The following KLHL20 variants were observed in gnomAD, a reference collection of about 807,000 sequenced individuals.
KLHL20 encodes the protein kelch-like protein 20.
KLHL20 carries 29 observed loss-of-function variants against 69.5 expected under a neutral mutation model. That is an observed-to-expected ratio of 0.42 (90% CI 0.31 to 0.57). KLHL20 has a LOEUF of 0.57. Ranked by LOEUF, KLHL20 falls within the 20% of genes least tolerant of loss-of-function variation. The probability of loss-of-function intolerance (pLI) is 0.18; values close to 1 mark genes in which losing one functional copy is unlikely to be tolerated. For synonymous variants in KLHL20, 253 were observed against 265.2 expected (o/e 0.95, Z 0.45); for missense variants, 419 against 776.0 (o/e 0.54, Z 5.47).
At chr1:173,743,808 T>C (rs1017460245) in intron 3 of KLHL20, among the ~76,000 whole-genome samples, 2 of 152,128 alleles carry the variant, frequency 1.3e-5, no homozygotes, top group Admixed American at 1.3e-4. Context: ...TTTAATATTT[T>C]CTGGAATTCA....
chr1:173,753,953 G>T (rs1043246617), intron 5 of KLHL20, among the ~76,000 whole-genome samples: 1 of 152,162 alleles, frequency 6.6e-6, no homozygotes, highest in Non-Finnish European at 1.5e-5. Context: ...GTTCAAATCT[G>T]AAATCATCTG....
At chr1:173,740,884 C>A (rs1313413384) in intron 3 of KLHL20, among the ~76,000 whole-genome samples, 2 of 152,142 alleles carry the variant, frequency 1.3e-5, no homozygotes, top group Non-Finnish European at 2.9e-5. Flanking sequence ...ACCTGGAAAT[C>A]TCCTTCTTTC....
At chr1:173,746,399 T>C (rs1673060397) in intron 3 of KLHL20, among the ~76,000 whole-genome samples, 1 of 152,182 alleles carries the variant, frequency 6.6e-6, no homozygotes, top group African/African-American at 2.4e-5. Flanking sequence ...CATCTAGGCT[T>C]CGTGCTTTTT....
intron 3 of KLHL20, among the ~76,000 whole-genome samples, chr1:173,745,438 C>T (rs1489575458): frequency 6.6e-6 from 1 of 152,058 alleles, no homozygotes; most frequent in Non-Finnish European, 1.5e-5. Context: ...GCTAAGATTA[C>T]AGGTGTGAGC....
At chr1:173,737,600 A>G (rs1442094879) in intron 3 of KLHL20, among the ~76,000 whole-genome samples, 2 of 152,234 alleles carry the variant, frequency 1.3e-5, no homozygotes, top group Admixed American at 6.5e-5. Flanking sequence ...TTATGCCAGT[A>G]TCATGCTGTT....
intron 2 of KLHL20, among the ~76,000 whole-genome samples, chr1:173,722,079 A>G (rs571246544): frequency 5.3e-5 from 8 of 152,232 alleles, no homozygotes; most frequent in Non-Finnish European, 1.0e-4. Flanking sequence ...CAAGCTTTTC[A>G]AGAAGCACTT....
In KLHL20 at chr1:173,760,203, C is replaced by T. The variant is rs527619459; in HGVS notation, c.1151+3044C>T. 2.0e-5 allele frequency among the ~76,000 whole-genome samples: 3 copies of T among 152,194 alleles called. No homozygotes were observed. The South Asian group carries it at 6.2e-4, about 32-fold the overall frequency. ...AGAATAAGAAAATATGAACAAGCCT[C>T]CAAAAAGTCTGGGATTATGTTAAAC... is the stretch of plus-strand genomic sequence containing the variant. On this transcript the variant is annotated intron_variant, in intron 7 of 11. Transcript: ENST00000209884.
In KLHL20 at chr1:173,733,723, A is replaced by G; in HGVS notation, c.34A>G (p.Ile12Val). ...EGKPMRRCTN[I>V]RPGETGMDVT... ...CCATCATTCCTATAGGTGTACCAAC[A>G]TTCGACCAGGAGAGACTGGAATGGA... Residue 12 changes from isoleucine (I) to valine (V), a missense_variant, in exon 3 of 12, where the codon ATT becomes GTT. This residue lies in a region of KLHL20 where 129 missense variants were observed against 183.6 expected (regional missense o/e 0.70). Coordinates refer to ENST00000209884, the MANE Select transcript of KLHL20 (RefSeq NM_014458.4). 1.2e-6 allele frequency: 2 copies of G among 1,612,504 alleles called. No individual in the cohort carries two copies. Among genetic ancestry groups the G allele is most frequent in the Non-Finnish European group, 1.7e-6 (2 of 1,179,016 alleles).
chr1:173,769,917 G>A (rs949327731), intron 8 of KLHL20, among the ~76,000 whole-genome samples: 6 of 151,236 alleles, frequency 4.0e-5, no homozygotes, highest in African/African-American at 1.5e-4. Flanking sequence ...AAAAATTTAA[G>A]TAATAATCTC....
intron 10 of KLHL20, among the ~76,000 whole-genome samples, chr1:173,779,938 C>A (rs909264981): frequency 2.0e-5 from 3 of 152,020 alleles, no homozygotes; most frequent in Non-Finnish European, 4.4e-5. Context: ...GACTTCTGGG[C>A]GAAGTATAGA....
Position 173,786,633 on chromosome 1 carries a change from A to G in KLHL20, c.*1386A>G, listed in dbSNP as rs972742282. On this transcript the variant is annotated 3_prime_UTR_variant, in exon 12 of 12. Transcript: ENST00000209884. ...AAACAATTGTTTACATATATCATTT[A>G]TGCTTTTTTCTAGCATGTATAACTT... is the stretch of plus-strand genomic sequence containing the variant. 1.3e-5 allele frequency: 2 copies of G among 152,590 alleles called. No individual in the cohort carries two copies. Among genetic ancestry groups the G allele is most frequent in the African/African-American group, 2.4e-5 (1 of 41,468 alleles). 9.5% of individuals were successfully genotyped at this position (152,590 alleles called of 1,614,324 possible).
intron 8 of KLHL20, among the ~76,000 whole-genome samples, chr1:173,766,691 T>C (rs964977759): frequency 6.6e-6 from 1 of 151,318 alleles, no homozygotes; most frequent in African/African-American, 2.4e-5. Context: ...ATTTAGGACA[T>C]TGGAGGATCC....
Position 173,786,637 on chromosome 1 carries a change from T to C in KLHL20, c.*1390T>C, listed in dbSNP as rs1405497927. On this transcript the variant is annotated 3_prime_UTR_variant, in exon 12 of 12. Transcript: ENST00000209884. ...AATTGTTTACATATATCATTTATGC[T>C]TTTTTCTAGCATGTATAACTTTTTT... 1.3e-5 allele frequency: 2 copies of C among 152,598 alleles called. No individual in the cohort carries two copies. Among genetic ancestry groups the C allele is most frequent in the Non-Finnish European group, 2.9e-5 (2 of 68,012 alleles). The allele number at this position is 152,598 out of a possible 1,614,324, so 9.5% of individuals were successfully genotyped here. A position where few individuals can be genotyped will look rare whatever the true frequency, so the allele number is the denominator to read the frequency against.
At chr1:173,756,944 G>A in intron 6 of KLHL20, 32 bp from the exon 7 acceptor site, 2 of 1,600,926 alleles carry the variant, frequency 1.2e-6, no homozygotes, top group South Asian at 2.2e-5. Context: ...TTCAGGATAG[G>A]ATTCTCTTGA....
At chr1:173,731,674 A>G (rs1253325683) in intron 2 of KLHL20, among the ~76,000 whole-genome samples, 1 of 144,736 alleles carries the variant, frequency 6.9e-6, no homozygotes, top group Non-Finnish European at 1.5e-5. Context: ...CAATGAGAAT[A>G]CATGAATACA....
At chr1:173,739,250 G>A (rs1672681865) in intron 3 of KLHL20, among the ~76,000 whole-genome samples, 1 of 151,394 alleles carries the variant, frequency 6.6e-6, no homozygotes. Context: ...TTTTTTGTAT[G>A]TTAGTGGAGA....
At chr1:173,721,931 G>A (rs75690981) in intron 2 of KLHL20, among the ~76,000 whole-genome samples, 9,285 of 152,176 alleles carry the variant, frequency 0.061, 1,001 homozygotes, top group African/African-American at 0.21. Context: ...AATTTTCAAA[G>A]TAAAACAAAA....
chr1:173,761,572 C>T (rs1462825643), intron 7 of KLHL20, among the ~76,000 whole-genome samples: 1 of 152,116 alleles, frequency 6.6e-6, no homozygotes, highest in Non-Finnish European at 1.5e-5. Flanking sequence ...TGGAAATCAA[C>T]TCCAAAAGGA....
At chr1:173,727,074 C>A (rs1024454509) in intron 2 of KLHL20, among the ~76,000 whole-genome samples, 2 of 152,036 alleles carry the variant, frequency 1.3e-5, no homozygotes, top group African/African-American at 2.4e-5. Flanking sequence ...AGCTGAAAAC[C>A]ACCGCACGAG....
Sources: allele counts gnomAD v4.1 joint callset (sites outside exome capture counted in the v4.1 genomes callset), GRCh38; gene constraint gnomAD v4.1.1; regional missense constraint gnomAD v4.1.1; transcripts MANE v1.5; gene names NCBI Gene and HGNC (gene_info 2026-07-23, HGNC 2026-07-21).